The following RASSF9 variants were observed in gnomAD, a reference collection of about 807,000 sequenced individuals.
RASSF9 encodes the protein Ras association domain family member 9.
RASSF9 carries 18 observed loss-of-function variants against 21.4 expected under a neutral mutation model. That is an observed-to-expected ratio of 0.84 (90% CI 0.58 to 1.25). The LOEUF (loss-of-function observed/expected upper bound fraction) is 1.25. RASSF9 is among the 50% of genes most tolerant of loss of function. The pLI is 0.00. For synonymous variants in RASSF9, 183 were observed against 179.1 expected, an observed-to-expected ratio of 1.02 and a Z score of -0.18; for missense variants, 480 against 503.2, an observed-to-expected ratio of 0.95 and a Z score of 0.44.
At position 85,836,340 on chromosome 12, in the gene RASSF9, T is replaced by G; in HGVS notation, c.-139A>C. The stretch of plus-strand genomic sequence containing the variant: ...CGGATGTTCCTGGCTTTCAGCTCAT[T>G]AGTAGCCGGCTGAGAAAGTTGCTGG... On this transcript the variant is annotated 5_prime_UTR_variant, in exon 1 of 2. Transcript: ENST00000361228. 1 of 1,487,662 alleles carries G rather than the reference T, an allele frequency of 6.7e-7. No homozygotes were observed. Among genetic ancestry groups the G allele is most frequent in the Non-Finnish European group, 9.0e-7 (1 of 1,115,362 alleles). 92.2% of individuals were successfully genotyped at this position (1,487,662 alleles called of 1,614,324 possible).
intron 1 of RASSF9, among the ~76,000 whole-genome samples, chr12:85,828,036 C>CACTT (rs1355645636): frequency 6.6e-6 from 1 of 152,118 alleles, no homozygotes; most frequent in African/African-American, 2.4e-5. Flanking sequence ...TATATTATGA[C>CACTT]ACTTTAAAAT....
rs1455990763 is a variant in RASSF9 at position 85,802,364 on chromosome 12, C to T, written c.*2338G>A. On this transcript the variant is annotated 3_prime_UTR_variant, in exon 2 of 2. Coordinates refer to ENST00000361228, the MANE Select transcript of RASSF9 (RefSeq NM_005447.4). ...TGTAACTGTAAATTAAGAGGTTCAC[C>T]ATGGTAGCTGATGAAGGATTAAAAC... The T allele has an allele frequency of 1.3e-5, 2 of 151,990 alleles. No homozygotes were observed. The highest frequency in any genetic ancestry group is 4.8e-5 in the African/African-American group (2 of 41,362). The allele number at this position is 151,990 out of a possible 1,614,324, so 9.4% of individuals were successfully genotyped here.
At chr12:85,827,884 G>A (rs1279629394) in intron 1 of RASSF9, among the ~76,000 whole-genome samples, 2 of 152,052 alleles carry the variant, frequency 1.3e-5, no homozygotes, top group African/African-American at 4.8e-5. Context: ...TTTTTGCATT[G>A]TCTGTCCATC....
chr12:85,826,381 A>C (rs897899670), intron 1 of RASSF9, among the ~76,000 whole-genome samples: 2 of 150,902 alleles, frequency 1.3e-5, no homozygotes, highest in Non-Finnish European at 2.9e-5. Flanking sequence ...TTCTCTTTCT[A>C]TTTAAGAAAG....
At position 85,804,532 on chromosome 12, in the gene RASSF9, G is replaced by T. The variant is rs1592525353; in HGVS notation, c.*170C>A. 1.6e-6 allele frequency: 1 copy of T among 643,990 alleles called. No individual in the cohort carries two copies. The highest frequency in any genetic ancestry group is 2.4e-6 in the Non-Finnish European group (1 of 421,336). 39.9% of individuals were successfully genotyped at this position (643,990 alleles called of 1,614,324 possible). A position where few individuals can be genotyped will look rare whatever the true frequency, so the allele number is the denominator to read the frequency against. ...ATTGCTTGAACTTGCAATAATTAAA[G>T]TTCCTTTGGAAATTTCACATCAGAA... On this transcript the variant is annotated 3_prime_UTR_variant, in exon 2 of 2. Coordinates refer to ENST00000361228, the MANE Select transcript of RASSF9 (RefSeq NM_005447.4).
intron 1 of RASSF9, among the ~76,000 whole-genome samples, chr12:85,830,577 A>T (rs1880428684): frequency 6.6e-6 from 1 of 152,112 alleles, no homozygotes; most frequent in African/African-American, 2.4e-5. Flanking sequence ...TTTTAACAGA[A>T]TGTTTAAATC....
At chr12:85,834,599 A>G (rs2136566166) in intron 1 of RASSF9, among the ~76,000 whole-genome samples, 1 of 152,238 alleles carries the variant, frequency 6.6e-6, no homozygotes, top group East Asian at 1.9e-4. Flanking sequence ...GCTAAAGCAA[A>G]ACAAAAAAAC....
chr12:85,802,807 C>G lies in RASSF9; in HGVS notation c.*1895G>C, dbSNP rs2136547151. On this transcript the variant is annotated 3_prime_UTR_variant, in exon 2 of 2. Coordinates refer to ENST00000361228, the MANE Select transcript of RASSF9 (RefSeq NM_005447.4). ...TAGTGAACAATGAATATGTCAGTGG[C>G]TTATATTGTTGAATAATTTTATGGA... The G allele has an allele frequency of 6.6e-6, 1 of 152,198 alleles. No homozygotes were observed. Among genetic ancestry groups the G allele is most frequent in the South Asian group, 2.1e-4 (1 of 4,822 alleles). 9.4% of individuals were successfully genotyped at this position (152,198 alleles called of 1,614,324 possible). A position where few individuals can be genotyped will look rare whatever the true frequency, so the allele number is the denominator to read the frequency against.
intron 1 of RASSF9, among the ~76,000 whole-genome samples, chr12:85,814,492 C>T (rs902433742): frequency 6.6e-6 from 1 of 151,986 alleles, no homozygotes; most frequent in African/African-American, 2.4e-5. Context: ...TAAAATAAAA[C>T]ATATTTTCAT....
At chr12:85,824,980 C>T (rs1565756473) in intron 1 of RASSF9, among the ~76,000 whole-genome samples, 2 of 152,038 alleles carry the variant, frequency 1.3e-5, no homozygotes, top group South Asian at 2.1e-4. Context: ...TCCCACAAAC[C>T]GAAATGGAAA....
At position 85,836,300 on chromosome 12, in the gene RASSF9, G is replaced by C. The variant is rs775141572; in HGVS notation, c.-99C>G. On this transcript the variant is annotated 5_prime_UTR_variant, in exon 1 of 2. Coordinates refer to ENST00000361228, the MANE Select transcript of RASSF9 (RefSeq NM_005447.4). ...CAGGGTGAAGGGAGGAGGGCTGGAA[G>C]CTTTCTCTTCTCCTCGGATGTTCCT... 1 of 1,538,766 alleles carries C rather than the reference G, an allele frequency of 6.5e-7. No individual in the cohort carries two copies. The highest frequency in any genetic ancestry group is 2.5e-5 in the East Asian group (1 of 40,616).
At chr12:85,821,142 A>T (rs986724426) in intron 1 of RASSF9, among the ~76,000 whole-genome samples, 1 of 152,058 alleles carries the variant, frequency 6.6e-6, no homozygotes, top group African/African-American at 2.4e-5. Flanking sequence ...AAATAAATAA[A>T]TAAAAAATAA....
At chr12:85,828,888 C>G (rs929939385) in intron 1 of RASSF9, among the ~76,000 whole-genome samples, 1 of 152,100 alleles carries the variant, frequency 6.6e-6, no homozygotes, top group Non-Finnish European at 1.5e-5. Flanking sequence ...GTAGTTATTA[C>G]ATGTCTACCC....
chr12:85,835,299 T>C (rs1377397060), intron 1 of RASSF9, among the ~76,000 whole-genome samples: 1 of 152,154 alleles, frequency 6.6e-6, no homozygotes, highest in African/African-American at 2.4e-5. Flanking sequence ...TAAAAAAATA[T>C]AGCCCATGTC....
intron 1 of RASSF9, among the ~76,000 whole-genome samples, chr12:85,810,667 C>A (rs1879933795): frequency 6.6e-6 from 1 of 151,758 alleles, no homozygotes; most frequent in Non-Finnish European, 1.5e-5. Context: ...TAAAATGTTC[C>A]CATCTCAATC....
intron 1 of RASSF9, among the ~76,000 whole-genome samples, chr12:85,809,123 G>A (rs1565752227): frequency 6.6e-6 from 1 of 152,064 alleles, no homozygotes; most frequent in South Asian, 2.1e-4. Context: ...AAGAGGTGTT[G>A]GTAGCTTGCC....
chr12:85,828,179 GTA>G (rs1171176800), intron 1 of RASSF9, among the ~76,000 whole-genome samples: 9 of 152,052 alleles, frequency 5.9e-5, no homozygotes, highest in Non-Finnish European at 1.0e-4. Flanking sequence ...ATATATGTGT[GTA>G]TGTGTGTGTG....
At position 85,830,931 on chromosome 12, in the gene RASSF9, G is replaced by A. The variant is rs941651513; in HGVS notation, c.47+5224C>T. ...ACTTAAGAAATCAATGTTGTGTTTT[G>A]CCAATGTTGTGTTTGGATGTCAAGA... On this transcript the variant is annotated intron_variant, in intron 1 of 1. Coordinates refer to ENST00000361228, the MANE Select transcript of RASSF9 (RefSeq NM_005447.4). 3.9e-5 allele frequency among the ~76,000 whole-genome samples: 6 copies of A among 152,158 alleles called. No individual in the cohort carries two copies. The East Asian group carries it at 1.2e-3, about 29-fold the overall frequency.
Position 85,805,530 on chromosome 12 carries a change from T to C in RASSF9, c.480A>G (p.Ile160Met), listed in dbSNP as rs777476194. 2 of 1,613,952 alleles carry C rather than the reference T, an allele frequency of 1.2e-6. No individual in the cohort carries two copies. Among genetic ancestry groups the C allele is most frequent in the East Asian group, 4.5e-5 (2 of 44,878 alleles). Reference protein sequence around the residue: ...KTLPPDKQKRIVRKTFRKLAK... With the variant: ...KTLPPDKQKRMVRKTFRKLAK... The stretch of plus-strand genomic sequence containing the variant: ...CCAGTTTCCGGAAAGTTTTCCTGAC[T>C]ATTCTTTTTTGTTTATCTGGTGGTA... Residue 160 changes from isoleucine to methionine, a missense_variant, in exon 2 of 2, where the codon ATA becomes ATG. Transcript: ENST00000361228.
Sources: gnomAD v4.1 joint callset for allele counts (sites outside exome capture counted in the v4.1 genomes callset) on GRCh38, gnomAD v4.1.1 for gene constraint, MANE v1.5 for transcripts, NCBI Gene and HGNC (gene_info 2026-07-23, HGNC 2026-07-21) for gene names.